Variants in TRIOBP observed in about 807,000 individuals in gnomAD.
TRIOBP encodes the protein TRIO and F-actin binding protein.
A neutral mutation model predicts 238.8 loss-of-function variants in TRIOBP; 169 were observed. The ratio of observed to expected loss-of-function variants is 0.71; its 90% CI spans 0.62 to 0.80. The LOEUF (loss-of-function observed/expected upper bound fraction) is 0.80. Ranked by LOEUF, TRIOBP falls within the 30% of genes least tolerant of loss-of-function variation. The pLI is 0.00. For missense variants in TRIOBP, 2,838 were observed against 3,122.6 expected (o/e 0.91, Z 2.17); for synonymous variants, 1,150 against 1,274.4 (o/e 0.90, Z 2.08).
At chr22:37,760,254 C>G (rs1221278422) in intron 17 of TRIOBP, 1 of 152,248 alleles carries the variant, frequency 6.6e-6, no homozygotes, top group East Asian at 1.9e-4. Flanking sequence ...TGAGATACTT[C>G]TAAGTTTAAT....
At chr22:37,763,152 C>T (rs1200314257) in intron 17 of TRIOBP, among the ~76,000 whole-genome samples, 1 of 152,140 alleles carries the variant, frequency 6.6e-6, no homozygotes, top group East Asian at 1.9e-4. Flanking sequence ...AGAGCAGTGC[C>T]CACCCCCACA....
intron 11 of TRIOBP, among the ~76,000 whole-genome samples, chr22:37,745,496 C>G (rs1196186977): frequency 6.6e-6 from 1 of 152,158 alleles, no homozygotes; most frequent in Non-Finnish European, 1.5e-5. Flanking sequence ...ATCTAACAAA[C>G]GGCCCAGCGT....
At chr22:37,734,290 A>T in intron 8 of TRIOBP, 109 bp from the exon 9 acceptor site, 1 of 1,065,556 alleles carries the variant, frequency 9.4e-7, no homozygotes, top group South Asian at 1.3e-5. Flanking sequence ...GCTTTGATTC[A>T]GGCTGCTGTG....
intron 17 of TRIOBP, chr22:37,759,752 C>T (rs893500194): frequency 7.8e-6 from 11 of 1,413,436 alleles, no homozygotes; most frequent in African/African-American, 7.2e-5. Context: ...CCTAGGACAG[C>T]GGTTCTCAAC....
At chr22:37,711,602 A>AAAAAAC (rs1569034722) in intron 4 of TRIOBP, among the ~76,000 whole-genome samples, 32 of 140,594 alleles carry the variant, frequency 2.3e-4, no homozygotes, top group East Asian at 1.5e-3. Context: ...ACAACAAAAA[A>AAAAAAC]AAAAAACAAA....
Position 37,734,673 on chromosome 22 carries a change from G to A in TRIOBP, c.4337G>A (p.Ser1446Asn). ...SQGPHRHLER[S>N]WSSQEGGLGP... ...GGCCCTCATAGACACCTAGAAAGGA[G>A]CTGGAGCAGCCAGGAGGGAGGCCTG... Residue 1446 changes from serine to asparagine, a missense_variant, in exon 9 of 24, where the codon AGC becomes AAC. Coordinates refer to ENST00000644935, the MANE Select transcript of TRIOBP (RefSeq NM_001039141.3). 6.2e-7 allele frequency: 1 copy of A among 1,601,636 alleles called. No individual in the cohort carries two copies. Among genetic ancestry groups the A allele is most frequent in the Non-Finnish European group, 8.5e-7 (1 of 1,174,654 alleles).
rs2145834409 is a variant in TRIOBP at position 37,725,268 on chromosome 22, C to T, written c.2712C>T (p.Ile904=). 1 of 1,614,062 alleles carries T rather than the reference C, an allele frequency of 6.2e-7. No homozygotes were observed. The highest frequency in any genetic ancestry group is 1.3e-5 in the African/African-American group (1 of 75,044). ...NSSPHRTNKD[I]PWASFPLRPT... is the part of the protein sequence containing the mutation. ...CTCCCCATCGTACTAACAAAGACAT[C>T]CCCTGGGCCTCGTTTCCCCTCCGGC... Residue 904 remains isoleucine (I), a synonymous_variant, in exon 7 of 24, where the codon ATC becomes ATT. Coordinates refer to ENST00000644935, the MANE Select transcript of TRIOBP (RefSeq NM_001039141.3).
chr22:37,734,658 G>A lies in TRIOBP; in HGVS notation c.4322G>A (p.Arg1441Lys), dbSNP rs1924577064. 2 of 1,598,240 alleles carry A rather than the reference G, an allele frequency of 1.3e-6. No individual in the cohort carries two copies. Among genetic ancestry groups the A allele is most frequent in the Admixed American group, 1.7e-5 (1 of 57,162 alleles). Residue 1441 changes from arginine (R) to lysine (K), a missense_variant, in exon 9 of 24, where the codon AGA becomes AAA. By Grantham distance (26) the Arg-to-Lys change is conservative. Transcript: ENST00000644935. ...CCGCCAGGGTCCCAGGGCCCTCATAGACACCTAGAAAGGAGCTGGAGCAGC... is the reference window on the plus strand; with the variant it reads ...CCGCCAGGGTCCCAGGGCCCTCATAAACACCTAGAAAGGAGCTGGAGCAGC... Reference protein sequence around the residue: ...EEPPGSQGPHRHLERSWSSQE... With the variant: ...EEPPGSQGPHKHLERSWSSQE...
intron 11 of TRIOBP, among the ~76,000 whole-genome samples, chr22:37,744,680 G>C (rs1925128896): frequency 6.6e-6 from 1 of 152,128 alleles, no homozygotes; most frequent in Admixed American, 6.6e-5. Context: ...GCCTGAGTGA[G>C]GTGCAAGGGT....
chr22:37,725,188 C>T lies in TRIOBP; in HGVS notation c.2632C>T (p.Leu878=). 1 of 1,614,124 alleles carries T rather than the reference C, an allele frequency of 6.2e-7. No individual in the cohort carries two copies. The highest frequency in any genetic ancestry group is 8.5e-7 in the Non-Finnish European group (1 of 1,180,010). Residue 878 remains leucine, a synonymous_variant, in exon 7 of 24, where the codon CTG becomes TTG. Coordinates refer to ENST00000644935, the MANE Select transcript of TRIOBP (RefSeq NM_001039141.3). ...TCAATGCTGCACCCAAAAGGAGAAT[C>T]TGAGACCATCATCTCCCCACCGCTC... ...SSQCCTQKEN[L]RPSSPHRSTQ...
Position 37,774,463 on chromosome 22 carries a change from C to T in TRIOBP, c.*683C>T, listed in dbSNP as rs1047436. ...CGCCAGAGCCACCCAAAAGGTGTTTCTCTTCTGCTCCCTGAACCTCTTAAC... is the reference window on the plus strand; with the variant it reads ...CGCCAGAGCCACCCAAAAGGTGTTTTTCTTCTGCTCCCTGAACCTCTTAAC... On this transcript the variant is annotated 3_prime_UTR_variant, in exon 24 of 24. Coordinates refer to ENST00000644935, the MANE Select transcript of TRIOBP (RefSeq NM_001039141.3). 1 of 152,278 alleles carries T rather than the reference C, an allele frequency of 6.6e-6. No individual in the cohort carries two copies. The highest frequency in any genetic ancestry group is 1.5e-5 in the Non-Finnish European group (1 of 68,054). 9.4% of individuals were successfully genotyped at this position (152,278 alleles called of 1,614,324 possible). A position where few individuals can be genotyped will look rare whatever the true frequency, so the allele number is the denominator to read the frequency against.
At chr22:37,707,811 G>A (rs1211959704) in intron 3 of TRIOBP, among the ~76,000 whole-genome samples, 4 of 151,334 alleles carry the variant, frequency 2.6e-5, no homozygotes, top group Non-Finnish European at 5.9e-5. Context: ...GTATGGTGGC[G>A]GACCCCTGTA....
chr22:37,743,079 G>T (rs1925020532), intron 11 of TRIOBP, among the ~76,000 whole-genome samples: 1 of 152,106 alleles, frequency 6.6e-6, no homozygotes, highest in African/African-American at 2.4e-5. Context: ...TGCAGCTCTG[G>T]GAGTCCCCAC....
chr22:37,718,055 A>G (rs1379878432), intron 6 of TRIOBP, among the ~76,000 whole-genome samples: 1 of 152,180 alleles, frequency 6.6e-6, no homozygotes, highest in African/African-American at 2.4e-5. Context: ...TGGGGGACCC[A>G]GCACACCCTC....
Position 37,733,341 on chromosome 22 carries a change from C to T in TRIOBP, c.3991C>T (p.Arg1331Trp), listed in dbSNP as rs746798426. 55 of 1,551,360 alleles carry T rather than the reference C, an allele frequency of 3.5e-5. No individual in the cohort carries two copies. The Middle Eastern group carries it at 6.7e-4, about 19-fold the overall frequency. Reference protein sequence around the residue: ...AGAFQAQDEGRSQQPSQGQSQ... With the variant: ...AGAFQAQDEGWSQQPSQGQSQ... ...GGCCTTCCAGGCCCAGGACGAGGGA[C>T]GGTCACAGCAGCCCAGCCAAGGCCA... Residue 1331 changes from arginine (R) to tryptophan (W), a missense_variant, in exon 8 of 24, where the codon CGG (arginine) becomes TGG (tryptophan). Physicochemically the swap from Arg to Trp is moderately radical, Grantham distance 101. Transcript: ENST00000644935.
At chr22:37,707,200 C>T (rs748121306) in intron 3 of TRIOBP, among the ~76,000 whole-genome samples, 13 of 152,062 alleles carry the variant, frequency 8.5e-5, no homozygotes, top group Non-Finnish European at 1.6e-4. Context: ...TTCTTGAATC[C>T]GGGAGGCGGA....
chr22:37,697,390 G>C (rs1922403923), intron 1 of TRIOBP, among the ~76,000 whole-genome samples, 198 bp from the exon 2 acceptor site: 1 of 152,138 alleles, frequency 6.6e-6, no homozygotes, highest in Admixed American at 6.5e-5. Flanking sequence ...TCTCCTGCTA[G>C]GCGACGCTCC....
chr22:37,740,355 C>T (rs970003442), intron 10 of TRIOBP, among the ~76,000 whole-genome samples: 7 of 152,148 alleles, frequency 4.6e-5, no homozygotes, highest in African/African-American at 1.4e-4. Flanking sequence ...TAGAAGTCCA[C>T]AACTCATTCC....
intron 3 of TRIOBP, among the ~76,000 whole-genome samples, chr22:37,710,029 C>G (rs34334974): frequency 1.1e-3 from 160 of 152,356 alleles, no homozygotes; most frequent in Non-Finnish European, 2.0e-3. Context: ...CCACCTCGTT[C>G]TGGGGCGCAC....
Sources: allele counts gnomAD v4.1 joint callset (sites outside exome capture counted in the v4.1 genomes callset), GRCh38; gene constraint gnomAD v4.1.1; transcripts MANE v1.5; gene names NCBI Gene and HGNC (gene_info 2026-07-23, HGNC 2026-07-21).